The following AFF2 variants were observed in gnomAD, a reference collection of about 807,000 sequenced individuals.
AFF2 encodes the protein ALF transcription elongation factor 2, also known as AF4/FMR2 family member 2.
In AFF2, 14 loss-of-function variants were observed where a neutral mutation model predicts 76.9. The ratio of observed to expected loss-of-function variants is 0.18; its 90% CI spans 0.12 to 0.28. The LOEUF (loss-of-function observed/expected upper bound fraction) is 0.28. AFF2 is among the 10% of genes least tolerant of loss of function. The probability of loss-of-function intolerance (pLI) is 1.00; values close to 1 mark genes in which losing one functional copy is unlikely to be tolerated. For missense variants in AFF2, 868 were observed against 1,001.1 expected, an observed-to-expected ratio of 0.87 and a Z score of 1.79; for synonymous variants, 398 against 366.7, an observed-to-expected ratio of 1.09 and a Z score of -0.98.
chrX:148,856,240 T>C (rs1421168022), intron 7 of AFF2, among the ~76,000 whole-genome samples: 1 of 112,206 alleles, frequency 8.9e-6, no homozygotes, highest in African/African-American at 3.2e-5. Flanking sequence ...ACAATTGTAC[T>C]CTTAGTTTGT....
chrX:148,731,889 A>C (rs1381390650), intron 3 of AFF2, among the ~76,000 whole-genome samples: 1 of 74,705 alleles, frequency 1.3e-5, no homozygotes, highest in East Asian at 3.7e-4. Context: ...ATCTCACACC[A>C]GTTAGAATGG....
intron 1 of AFF2, among the ~76,000 whole-genome samples, chrX:148,546,640 A>G (rs943375932): frequency 8.9e-6 from 1 of 112,354 alleles, no homozygotes; most frequent in Admixed American, 9.4e-5. Flanking sequence ...ATATTGTTTC[A>G]TTAATACTGC....
intron 7 of AFF2, among the ~76,000 whole-genome samples, chrX:148,868,057 G>T (rs2070929124): frequency 9.0e-6 from 1 of 111,224 alleles, no homozygotes; most frequent in Non-Finnish European, 1.9e-5. Context: ...TTGTCACCAA[G>T]CACCTACTAC....
chrX:148,977,892 G>GTAA (rs782353121), intron 16 of AFF2, 41 bp from the exon 17 acceptor site: 1 of 986,471 alleles, frequency 1.0e-6, no homozygotes, highest in Admixed American at 2.2e-5. Context: ...TTTCTGAAGG[G>GTAA]TAATACAGAT....
intron 1 of AFF2, among the ~76,000 whole-genome samples, chrX:148,591,589 G>A (rs1344102722): frequency 8.9e-6 from 1 of 112,187 alleles, no homozygotes; most frequent in Non-Finnish European, 1.9e-5. Flanking sequence ...TATTATCTAA[G>A]TCCATTATTT....
intron 8 of AFF2, among the ~76,000 whole-genome samples, chrX:148,901,050 C>T (rs2071348905): frequency 1.8e-5 from 2 of 112,141 alleles, no homozygotes; most frequent in African/African-American, 3.2e-5. Context: ...TTCCAGAGCA[C>T]TGTTGTCAAT....
chrX:148,707,901 A>G (rs1278088651), intron 3 of AFF2, among the ~76,000 whole-genome samples: 1 of 112,120 alleles, frequency 8.9e-6, no homozygotes, highest in African/African-American at 3.2e-5. Context: ...AAAGAAATGC[A>G]GAAAGAATGG....
At chrX:148,581,574 GTATACGTGTACACACATA>G (rs1569551680) in intron 1 of AFF2, among the ~76,000 whole-genome samples, 6 of 97,449 alleles carry the variant, frequency 6.2e-5, no homozygotes, top group African/African-American at 2.5e-4. Context: ...ATACGTATAC[GTATACGTGTACACACATA>G]TATACGTATA....
rs558793617 is a variant in AFF2, at chrX:148,735,512, C to T, written c.1041+72744C>T. ...TTTTCTAGTACCTCCATCTTTTTTCCTGCTTATGTAAACAAATGAATGCAA... is the reference window on the plus strand; with the variant it reads ...TTTTCTAGTACCTCCATCTTTTTTCTTGCTTATGTAAACAAATGAATGCAA... On this transcript the variant is annotated intron_variant, in intron 3 of 20. Transcript: ENST00000370460. Among the ~76,000 whole-genome samples the T allele has an allele frequency of 1.8e-4, 20 of 111,654 alleles. No homozygotes were observed. In the South Asian group the frequency reaches 7.5e-3, roughly 42 times the overall value.
intron 3 of AFF2, among the ~76,000 whole-genome samples, chrX:148,784,709 A>G (rs782203840): frequency 8.9e-6 from 1 of 112,128 alleles, no homozygotes; most frequent in African/African-American, 3.2e-5. Flanking sequence ...AACTGTACAT[A>G]ATTGCTCAAT....
intron 13 of AFF2, among the ~76,000 whole-genome samples, chrX:148,966,173 A>G (rs2072169259): frequency 8.9e-6 from 1 of 111,980 alleles, no homozygotes; most frequent in South Asian, 3.8e-4. Flanking sequence ...ACACACTCAC[A>G]TTTCACTTAG....
chrX:148,700,419 A>AGTGTGTGTGTGTGTGT (rs368077947), intron 3 of AFF2, among the ~76,000 whole-genome samples: 13 of 82,498 alleles, frequency 1.6e-4, no homozygotes, highest in African/African-American at 5.0e-4. Context: ...GTACTGTTGA[A>AGTGTGTGTGTGTGTGT]GTGTGTGTGT....
chrX:148,602,239 G>A (rs1280008245), intron 1 of AFF2, among the ~76,000 whole-genome samples: 1 of 111,742 alleles, frequency 8.9e-6, no homozygotes, highest in Non-Finnish European at 1.9e-5. Flanking sequence ...CAAGAAAAGA[G>A]TAATTAAGTT....
At chrX:148,913,082 T>C in intron 9 of AFF2, among the ~76,000 whole-genome samples, 1 of 112,945 alleles carries the variant, frequency 8.9e-6, no homozygotes, top group South Asian at 3.6e-4. Context: ...TGCAACAGGT[T>C]CCAGCAATCA....
At chrX:148,775,710 C>T (rs543421882) in intron 3 of AFF2, among the ~76,000 whole-genome samples, 7 of 110,946 alleles carry the variant, frequency 6.3e-5, no homozygotes, top group African/African-American at 2.3e-4. Flanking sequence ...ATCTTCACAT[C>T]GATTTCGTCT....
At chrX:148,679,050 A>G (rs2054518203) in intron 3 of AFF2, among the ~76,000 whole-genome samples, 1 of 110,411 alleles carries the variant, frequency 9.1e-6, no homozygotes, top group African/African-American at 3.3e-5. Flanking sequence ...TAATACATTA[A>G]AATACATACT....
At chrX:148,629,325 A>C (rs1197624555) in intron 1 of AFF2, among the ~76,000 whole-genome samples, 1 of 111,917 alleles carries the variant, frequency 8.9e-6, no homozygotes, top group African/African-American at 3.2e-5. Flanking sequence ...ATAAAGCTTT[A>C]TATGCTTTCA....
At chrX:148,791,497 T>C (rs782671560) in intron 3 of AFF2, among the ~76,000 whole-genome samples, 33 of 112,343 alleles carry the variant, frequency 2.9e-4, no homozygotes, top group South Asian at 1.1e-3. Context: ...GAAATGTGGG[T>C]GGGCACACAG....
chrX:148,804,317 C>G (rs1225183445), intron 3 of AFF2, among the ~76,000 whole-genome samples: 2 of 112,118 alleles, frequency 1.8e-5, no homozygotes, highest in African/African-American at 3.2e-5. Flanking sequence ...AAATCCAGTT[C>G]TATGGAGCCT....
Sources: gnomAD v4.1 joint callset for allele counts (sites outside exome capture counted in the v4.1 genomes callset) on GRCh38, gnomAD v4.1.1 for gene constraint, MANE v1.5 for transcripts, NCBI Gene and HGNC (gene_info 2026-07-23, HGNC 2026-07-21) for gene names.